Variants in PLCB1 observed in about 807,000 individuals in gnomAD.
PLCB1 encodes the protein phospholipase C beta 1.
In PLCB1, 46 loss-of-function variants were observed where a neutral mutation model predicts 161.8. The ratio of observed to expected loss-of-function variants is 0.28; its 90% CI spans 0.22 to 0.36. PLCB1 has a LOEUF of 0.36. PLCB1 is among the 10% of genes least tolerant of loss of function. The pLI is 1.00. For synonymous variants in PLCB1, 517 were observed against 503.7 expected (o/e 1.03, Z -0.35); for missense variants, 1,016 against 1,472.5 (o/e 0.69, Z 5.07).
At chr20:8,397,240 C>T (rs992615144) in intron 3 of PLCB1, among the ~76,000 whole-genome samples, 8 of 152,094 alleles carry the variant, frequency 5.3e-5, no homozygotes, top group East Asian at 1.9e-4. Flanking sequence ...GAAAATCCAA[C>T]GTTTCTTTGC....
intron 18 of PLCB1, among the ~76,000 whole-genome samples, chr20:8,732,928 TC>T (rs1280040280): frequency 2.7e-5 from 4 of 148,962 alleles, no homozygotes; most frequent in Admixed American, 1.3e-4. Context: ...ATATATTTAA[TC>T]AAAGGAATTT....
intron 31 of PLCB1, among the ~76,000 whole-genome samples, chr20:8,814,630 G>T (rs1474167135): frequency 1.3e-5 from 2 of 150,248 alleles, no homozygotes; most frequent in Non-Finnish European, 2.9e-5. Flanking sequence ...TAAAAGGCAG[G>T]TTTACTCATT....
intron 3 of PLCB1, among the ~76,000 whole-genome samples, chr20:8,560,538 T>C (rs891323187): frequency 1.3e-5 from 2 of 152,060 alleles, no homozygotes; most frequent in Non-Finnish European, 2.9e-5. Flanking sequence ...CCAGCACTAG[T>C]ATTGTTGAAA....
In PLCB1 at chr20:8,645,573, G is replaced by A. The variant is rs931561030; in HGVS notation, c.385-529G>A. Among the ~76,000 whole-genome samples, 15 of 152,194 alleles carry A rather than the reference G, an allele frequency of 9.9e-5. 1 individual carries two copies. The highest frequency in any genetic ancestry group is 2.2e-4 in the Non-Finnish European group (15 of 68,034). ...GGTAGGGATTATGATTAGGAGATTAGTGAGATATTGACAGTGTTGGGAGAA... is the reference window on the plus strand; with the variant it reads ...GGTAGGGATTATGATTAGGAGATTAATGAGATATTGACAGTGTTGGGAGAA... On this transcript the variant is annotated intron_variant, in intron 4 of 31. Coordinates refer to ENST00000338037, the MANE Select transcript of PLCB1 (RefSeq NM_015192.4).
chr20:8,670,552 C>CAT (rs1989917321), intron 9 of PLCB1, among the ~76,000 whole-genome samples: 1 of 152,192 alleles, frequency 6.6e-6, no homozygotes, highest in Admixed American at 6.5e-5. Context: ...GGTAATAGCA[C>CAT]AGTTTTTGCA....
intron 3 of PLCB1, among the ~76,000 whole-genome samples, chr20:8,456,539 AAC>A (rs1308275528): frequency 6.6e-6 from 1 of 152,166 alleles, no homozygotes; most frequent in Non-Finnish European, 1.5e-5. Context: ...GCTTTTAATA[AAC>A]ACAAGTTTTA....
intron 2 of PLCB1, among the ~76,000 whole-genome samples, chr20:8,202,139 G>GC (rs11482160): frequency 1 from 152,347 of 152,348 alleles, 76,173 homozygotes; most frequent in Non-Finnish European, 1. Flanking sequence ...GGGCAGTGGT[G>GC]CATCTCTGCT....
At chr20:8,295,995 G>A (rs1029850384) in intron 2 of PLCB1, among the ~76,000 whole-genome samples, 1 of 152,046 alleles carries the variant, frequency 6.6e-6, no homozygotes, top group Non-Finnish European at 1.5e-5. Context: ...ATTTTTAACA[G>A]GAGAAAGATT....
intron 31 of PLCB1, among the ~76,000 whole-genome samples, chr20:8,849,008 A>G (rs1484788786): frequency 6.6e-6 from 1 of 152,188 alleles, no homozygotes; most frequent in African/African-American, 2.4e-5. Context: ...GAAGCCAAAC[A>G]CTTAGAATCT....
At chr20:8,733,565 C>T (rs1440084608) in intron 19 of PLCB1, among the ~76,000 whole-genome samples, 173 bp downstream of exon 19, 6 of 149,300 alleles carry the variant, frequency 4.0e-5, no homozygotes, top group East Asian at 2.0e-4. Context: ...GTAAGGGGTC[C>T]GTGTGTTCTC....
intron 3 of PLCB1, among the ~76,000 whole-genome samples, chr20:8,554,772 A>T (rs973159067): frequency 2.0e-5 from 3 of 152,140 alleles, no homozygotes; most frequent in East Asian, 1.9e-4. Flanking sequence ...TGCTGTTAAC[A>T]TAAAAAAATT....
intron 3 of PLCB1, among the ~76,000 whole-genome samples, chr20:8,532,550 A>G (rs545266834): frequency 6.6e-6 from 1 of 152,374 alleles, no homozygotes; most frequent in East Asian, 1.9e-4. Context: ...GGAGCTAAAT[A>G]TGGTAGATTT....
intron 31 of PLCB1, among the ~76,000 whole-genome samples, chr20:8,863,171 G>C (rs1269787082): frequency 2.6e-5 from 4 of 152,194 alleles, no homozygotes; most frequent in Non-Finnish European, 4.4e-5. Flanking sequence ...AGGCCAAAGA[G>C]CTATAAACTG....
At chr20:8,713,933 C>A (rs1244326059) in intron 12 of PLCB1, among the ~76,000 whole-genome samples, 1 of 152,098 alleles carries the variant, frequency 6.6e-6, no homozygotes, top group Admixed American at 6.5e-5. Flanking sequence ...TTTGGGACAT[C>A]TCCCTTAAAT....
chr20:8,499,666 A>G (rs1055582722), intron 3 of PLCB1, among the ~76,000 whole-genome samples: 1 of 152,208 alleles, frequency 6.6e-6, no homozygotes, highest in African/African-American at 2.4e-5. Flanking sequence ...AGCTCAAAGG[A>G]TATACTCAAC....
intron 26 of PLCB1, among the ~76,000 whole-genome samples, chr20:8,771,785 T>A (rs1384220561): frequency 6.6e-6 from 1 of 152,154 alleles, no homozygotes; most frequent in African/African-American, 2.4e-5. Flanking sequence ...CTGTCTTCCA[T>A]CTCTCTTGAT....
chr20:8,451,723 C>T (rs1187877677), intron 3 of PLCB1, among the ~76,000 whole-genome samples: 2 of 152,006 alleles, frequency 1.3e-5, no homozygotes, highest in African/African-American at 2.4e-5. Flanking sequence ...TCGTTTCCTC[C>T]TTTTTCCTCC....
chr20:8,627,919 A>G (rs930842129), intron 3 of PLCB1, among the ~76,000 whole-genome samples: 1 of 152,152 alleles, frequency 6.6e-6, no homozygotes, highest in African/African-American at 2.4e-5. Flanking sequence ...ATTTCAGAAT[A>G]ACCACCTTCT....
intron 2 of PLCB1, among the ~76,000 whole-genome samples, chr20:8,232,592 C>T (rs1019980984): frequency 1.3e-5 from 2 of 152,246 alleles, no homozygotes; most frequent in Non-Finnish European, 2.9e-5. Context: ...CTCTCATTTG[C>T]TTTGCTCTTC....
Sources: gnomAD v4.1 joint callset for allele counts (sites outside exome capture counted in the v4.1 genomes callset) on GRCh38, gnomAD v4.1.1 for gene constraint, MANE v1.5 for transcripts, NCBI Gene and HGNC (gene_info 2026-07-23, HGNC 2026-07-21) for gene names.